The following COL6A2 variants were observed in gnomAD, a reference collection of about 807,000 sequenced individuals.
COL6A2 encodes the protein collagen alpha-2(VI) chain.
COL6A2 carries 90 observed loss-of-function variants against 124.9 expected under a neutral mutation model. The ratio of observed to expected loss-of-function variants is 0.72; its 90% confidence interval spans 0.61 to 0.86. The LOEUF is 0.86. Among genes scored for constraint, COL6A2 ranks in the 40% least tolerant of loss-of-function variants. The pLI is 0.00. For synonymous variants in COL6A2, 793 were observed against 618.2 expected (o/e 1.28, Z -4.19); for missense variants, 1,607 against 1,502.5 (o/e 1.07, Z -1.15).
chr21:46,124,237 C>A (rs1275446307), intron 21 of COL6A2, among the ~76,000 whole-genome samples: 1 of 140,228 alleles, frequency 7.1e-6, no homozygotes. Flanking sequence ...GGATGGGTGA[C>A]TGGGTGGATG....
At chr21:46,115,066 C>G (rs1202379186) in intron 5 of COL6A2, among the ~76,000 whole-genome samples, 4 of 152,262 alleles carry the variant, frequency 2.6e-5, no homozygotes, top group Non-Finnish European at 5.9e-5. Context: ...TTCTCCAGTC[C>G]TGGTGGCAAT....
rs869028897 is a variant in COL6A2 at position 46,099,889 on chromosome 21, CTTTTTTT to C, written c.-28+1733_-28+1739del. 1.7e-4 allele frequency among the ~76,000 whole-genome samples: 16 copies of C among 91,844 alleles called. 1 individual carries two copies. Among genetic ancestry groups the C allele is most frequent in the African/African-American group, 3.8e-4 (10 of 26,050 alleles). The allele number at this position is 91,844 out of a possible 152,430, so 60.3% of individuals were successfully genotyped here. ...TCTCCACAATGGATAGCAGCACTGT[CTTTTTTT>C]TTTTTTTTTTTTTTTTCTCATTTCA... On this transcript the variant is annotated intron_variant, in intron 1 of 27. Transcript: ENST00000300527.
In COL6A2 at chr21:46,125,576, A is replaced by G; in HGVS notation, c.1928A>G (p.Asn643Ser). ...LEKNFVINVV[N>S]RLGAIAKDPK... ...AAGAACTTCGTCATCAACGTGGTCA[A>G]CAGGCTGGGTGCCATCGCTAAGGAC... is the stretch of plus-strand genomic sequence containing the variant. The change falls in exon 25 of 28, where the codon AAC becomes AGC. Residue 643 changes from asparagine (N) to serine (S), a missense_variant. Coordinates refer to ENST00000300527, the MANE Select transcript of COL6A2 (RefSeq NM_001849.4). The G allele has an allele frequency of 6.2e-7, 1 of 1,612,810 alleles. No individual in the cohort carries two copies. The highest frequency in any genetic ancestry group is 8.5e-7 in the Non-Finnish European group (1 of 1,179,946).
intron 1 of COL6A2, among the ~76,000 whole-genome samples, chr21:46,101,468 C>T (rs2078286376): frequency 6.6e-6 from 1 of 152,154 alleles, no homozygotes; most frequent in African/African-American, 2.4e-5. Context: ...CCCAAGAAAT[C>T]ATTGCTCAGT....
intron 5 of COL6A2, among the ~76,000 whole-genome samples, chr21:46,115,613 C>A (rs1228815861): frequency 2.0e-5 from 3 of 152,312 alleles, no homozygotes; most frequent in South Asian, 2.1e-4. Context: ...GGCACCCCCA[C>A]CCCAGGGGTC....
In COL6A2 at chr21:46,099,889, C is replaced by CTTTTTTTTTTTTTT. The variant is rs869028897; in HGVS notation, c.-28+1726_-28+1739dup. On this transcript the variant is annotated intron_variant, in intron 1 of 27. Transcript: ENST00000300527. ...TCTCCACAATGGATAGCAGCACTGT[C>CTTTTTTTTTTTTTT]TTTTTTTTTTTTTTTTTTTTTTTCT... 2.5e-4 allele frequency among the ~76,000 whole-genome samples: 23 copies of CTTTTTTTTTTTTTT among 91,842 alleles called. 3 individuals carry two copies. Among genetic ancestry groups the CTTTTTTTTTTTTTT allele is most frequent in the Admixed American group, 4.4e-4 (3 of 6,796 alleles). 60.3% of individuals were successfully genotyped at this position (91,842 alleles called of 152,430 possible).
chr21:46,123,303 C>T (rs935761328), intron 21 of COL6A2, among the ~76,000 whole-genome samples: 11 of 150,500 alleles, frequency 7.3e-5, no homozygotes, highest in Non-Finnish European at 1.6e-4. Context: ...CTCCAGAGTC[C>T]CCTCCCCCAA....
rs1324630571 is a variant in COL6A2 at position 46,126,001 on chromosome 21, T to G, written c.2186T>G (p.Val729Gly). 4 of 1,612,816 alleles carry G rather than the reference T, an allele frequency of 2.5e-6. No homozygotes were observed. The highest frequency in any genetic ancestry group is 3.4e-6 in the Non-Finnish European group (4 of 1,179,788). Reference protein sequence around the residue: ...RRQKTRVFAVVITDGRHDPRD... With the variant: ...RRQKTRVFAVGITDGRHDPRD... ...CAGAAGACACGTGTGTTTGCGGTGG[T>G]CATCACGGACGGGCGCCACGACCCT... Residue 729 changes from valine to glycine, a missense_variant, in exon 26 of 28, where the codon GTC becomes GGC. Around this residue, in one of 3 missense-constraint regions of COL6A2, gnomAD observed 1,223 missense variants for 1,052.2 expected, o/e 1.16. Transcript: ENST00000300527.
At chr21:46,115,252 T>C (rs1267378236) in intron 5 of COL6A2, among the ~76,000 whole-genome samples, 4 of 152,194 alleles carry the variant, frequency 2.6e-5, no homozygotes, top group Non-Finnish European at 5.9e-5. Flanking sequence ...GGCACAGCTG[T>C]GATGTTCCAG....
In COL6A2 at chr21:46,124,539, C is replaced by T. The variant is rs3746994; in HGVS notation, c.1672-112C>T. The T allele has an allele frequency of 7.5e-3, 4,130 of 548,630 alleles. 28 individuals carry two copies. The highest frequency in any genetic ancestry group is 0.039 in the East Asian group (995 of 25,604). The allele number at this position is 548,630 out of a possible 1,614,324, so 34.0% of individuals were successfully genotyped here. A position where few individuals can be genotyped will look rare whatever the true frequency, so the allele number is the denominator to read the frequency against. ...TGTCTTACTCCTTGCACCTGTTAGC[C>T]CCCCCCCCCGCCAAGGGAGGACCCG... On this transcript the variant is annotated intron_variant, in intron 21 of 27. Transcript: ENST00000300527.
chr21:46,129,624 G>A, intron 27 of COL6A2: 2 of 1,429,540 alleles, frequency 1.4e-6, no homozygotes, highest in Non-Finnish European at 1.8e-6. Flanking sequence ...GTCCTTCCAG[G>A]GGCTCTGGGG....
chr21:46,126,466 G>GA lies in COL6A2; in HGVS notation c.2423-36dup, dbSNP rs770006489. On this transcript the variant is annotated intron_variant, in intron 26 of 27. Transcript: ENST00000300527. ...GGCCGCTGAGGGTTCGCTAGGGACT[G>GA]ACCCTGGCCTGGCCCGGCCTCTCTC... 8.8e-6 allele frequency: 14 copies of GA among 1,596,204 alleles called. No homozygotes were observed. In the African/African-American group the frequency reaches 1.7e-4, roughly 19 times the overall value.
intron 23 of COL6A2, 119 bp downstream of exon 23, chr21:46,125,039 C>CA: frequency 7.5e-7 from 1 of 1,325,654 alleles, no homozygotes; most frequent in Admixed American, 1.7e-5. Flanking sequence ...TGGAGGAGGT[C>CA]AGAGGGCAAG....
At chr21:46,113,110 G>C (rs2078427481) in intron 4 of COL6A2, among the ~76,000 whole-genome samples, 1 of 152,166 alleles carries the variant, frequency 6.6e-6, no homozygotes, top group African/African-American at 2.4e-5. Flanking sequence ...CATCCACCCT[G>C]GACTCGAGGC....
At chr21:46,124,285 A>G (rs1462867563) in intron 21 of COL6A2, among the ~76,000 whole-genome samples, 3 of 151,358 alleles carry the variant, frequency 2.0e-5, no homozygotes, top group Non-Finnish European at 4.4e-5. Context: ...GGATAGATGG[A>G]TGGGTGATTG....
chr21:46,103,851 C>A (rs2078311317), intron 1 of COL6A2, among the ~76,000 whole-genome samples: 1 of 152,206 alleles, frequency 6.6e-6, no homozygotes, highest in Admixed American at 6.5e-5. Context: ...GTTGAAGTGA[C>A]TTCCAGGAGA....
At position 46,132,693 on chromosome 21, in the gene COL6A2, G is replaced by A. The variant is rs542924884; in HGVS notation, c.*141G>A. The A allele has an allele frequency of 3.2e-5, 28 of 886,272 alleles. No individual in the cohort carries two copies. Among genetic ancestry groups the A allele is most frequent in the Non-Finnish European group, 4.6e-5 (26 of 571,322 alleles). 54.9% of individuals were successfully genotyped at this position (886,272 alleles called of 1,614,324 possible). On this transcript the variant is annotated 3_prime_UTR_variant, in exon 28 of 28. Coordinates refer to ENST00000300527, the MANE Select transcript of COL6A2 (RefSeq NM_001849.4). ...TGCACCTCTCCAGCTCCTCCCACGG[G>A]GTCCCCGTAGCCCCGGCCCCCGCCC...
In COL6A2 at chr21:46,112,608, G is replaced by A. The variant is rs375910549; in HGVS notation, c.714+31G>A. 293 of 1,607,144 alleles carry A rather than the reference G, an allele frequency of 1.8e-4. 1 individual carries two copies. The South Asian group carries it at 2.0e-3, about 11-fold the overall frequency. On this transcript the variant is annotated intron_variant, in intron 3 of 27. Transcript: ENST00000300527. ...CCGCGGGCGGGAGCACCGTCCACGC[G>A]CCAGGGGTGGCCACGGTGGGCCGTC...
intron 27 of COL6A2, among the ~76,000 whole-genome samples, chr21:46,127,649 C>T (rs1279800508): frequency 1.3e-5 from 2 of 152,142 alleles, no homozygotes; most frequent in Non-Finnish European, 2.9e-5. Context: ...CCCCCTCGTT[C>T]CTGATGGGGC....
Sources: allele counts gnomAD v4.1 joint callset (sites outside exome capture counted in the v4.1 genomes callset), GRCh38; gene constraint gnomAD v4.1.1; regional missense constraint gnomAD v4.1.1; transcripts MANE v1.5; gene names NCBI Gene and HGNC (gene_info 2026-07-23, HGNC 2026-07-21).